Variants in HDAC9 observed in about 807,000 individuals in gnomAD.
The protein encoded by HDAC9 is MEF-2 interacting transcription repressor (MITR) protein.
HDAC9 carries 41 observed loss-of-function variants against 139.4 expected under a neutral mutation model. The observed-to-expected ratio is 0.29, with a 90% CI of 0.23 to 0.38. The LOEUF is 0.38. Ranked by LOEUF, HDAC9 falls within the 10% of genes least tolerant of loss-of-function variation. The pLI, the probability that HDAC9 is intolerant of heterozygous loss-of-function variation, is 1.00. For missense variants in HDAC9, 1,147 were observed against 1,297.0 expected, an observed-to-expected ratio of 0.88 and a Z score of 1.78; for synonymous variants, 517 against 476.2, an observed-to-expected ratio of 1.09 and a Z score of -1.12.
intron 18 of HDAC9, 94 bp from the exon 19 acceptor site, chr7:18,829,367 C>CAT: frequency 8.9e-7 from 1 of 1,126,442 alleles, no homozygotes; most frequent in Non-Finnish European, 1.3e-6. Flanking sequence ...CTTCAGAGAT[C>CAT]ATATAGCATT....
chr7:18,862,370 A>G (rs1286400629), intron 21 of HDAC9, among the ~76,000 whole-genome samples: 1 of 152,196 alleles, frequency 6.6e-6, no homozygotes, highest in Non-Finnish European at 1.5e-5. Flanking sequence ...GAGTTAATCT[A>G]AATGAATCCC....
chr7:18,668,881 T>A, intron 12 of HDAC9: 2 of 983,690 alleles, frequency 2.0e-6, no homozygotes, highest in Non-Finnish European at 2.4e-6. Flanking sequence ...AAACTTGCCG[T>A]ATTTAATCGA....
chr7:18,773,304 G>T (rs964631844), intron 16 of HDAC9, among the ~76,000 whole-genome samples: 2 of 150,694 alleles, frequency 1.3e-5, no homozygotes, highest in African/African-American at 4.9e-5. Context: ...CATCATCAAA[G>T]CTTTATTTGT....
intron 25 of HDAC9, among the ~76,000 whole-genome samples, chr7:18,977,007 A>C (rs1005560295): frequency 9.8e-5 from 15 of 152,348 alleles, no homozygotes; most frequent in Admixed American, 1.3e-4. Context: ...TAATGGATTT[A>C]ACATCTTGTT....
intron 1 of HDAC9, among the ~76,000 whole-genome samples, chr7:18,436,276 C>G (rs1180636139): frequency 6.6e-6 from 1 of 152,116 alleles, no homozygotes; most frequent in Non-Finnish European, 1.5e-5. Context: ...ATTTCTACTT[C>G]AAATAAAATT....
chr7:18,242,332 G>A (rs1794242283), intron 2 of HDAC9, among the ~76,000 whole-genome samples: 1 of 152,140 alleles, frequency 6.6e-6, no homozygotes, highest in South Asian at 2.1e-4. Context: ...ATATTTGCAT[G>A]AGTAGAATTT....
chr7:18,387,491 G>C (rs929160711), intron 1 of HDAC9, among the ~76,000 whole-genome samples: 1 of 152,090 alleles, frequency 6.6e-6, no homozygotes, highest in African/African-American at 2.4e-5. Context: ...AACAGTTGTC[G>C]TGTGGGCTTT....
At chr7:18,292,933 A>T (rs577767146) in intron 1 of HDAC9, among the ~76,000 whole-genome samples, 2 of 152,250 alleles carry the variant, frequency 1.3e-5, no homozygotes, top group East Asian at 3.9e-4. Flanking sequence ...GAATGAAGAG[A>T]GAGGTTAATT....
intron 1 of HDAC9, among the ~76,000 whole-genome samples, chr7:18,436,440 T>C (rs2128768785): frequency 6.6e-6 from 1 of 152,318 alleles, no homozygotes; most frequent in East Asian, 1.9e-4. Context: ...CATTCAGTTT[T>C]CATTTAAAAA....
intron 7 of HDAC9, among the ~76,000 whole-genome samples, chr7:18,631,134 C>G (rs1441241665): frequency 6.6e-6 from 1 of 152,024 alleles, no homozygotes; most frequent in East Asian, 1.9e-4. Context: ...AGCTCAATAC[C>G]TATCTCAGTA....
At chr7:18,207,105 TG>T in intron 2 of HDAC9, among the ~76,000 whole-genome samples, 1 of 151,874 alleles carries the variant, frequency 6.6e-6, no homozygotes, top group East Asian at 1.9e-4. Flanking sequence ...GGTTTGTTTT[TG>T]TTTTTGTTTT....
At chr7:18,657,643 C>G (rs2047523843) in intron 11 of HDAC9, among the ~76,000 whole-genome samples, 2 of 152,058 alleles carry the variant, frequency 1.3e-5, no homozygotes, top group Non-Finnish European at 2.9e-5. Flanking sequence ...TGCCCCAACC[C>G]CTGCCAAGAA....
At chr7:18,789,286 G>GCACACACA (rs34385627) in intron 16 of HDAC9, among the ~76,000 whole-genome samples, 3 of 148,394 alleles carry the variant, frequency 2.0e-5, no homozygotes, top group South Asian at 2.2e-4. Flanking sequence ...ACACATACAC[G>GCACACACA]CACACACACA....
chr7:18,129,329 A>C (rs946445248), intron 1 of HDAC9, among the ~76,000 whole-genome samples: 3 of 152,068 alleles, frequency 2.0e-5, no homozygotes, highest in African/African-American at 7.2e-5. Context: ...CTGTAATTCC[A>C]GAGTTGTTAT....
chr7:18,888,628 T>C (rs1250639917), intron 22 of HDAC9, among the ~76,000 whole-genome samples: 1 of 152,218 alleles, frequency 6.6e-6, no homozygotes, highest in African/African-American at 2.4e-5. Flanking sequence ...TATCAGCTTC[T>C]TCCATGAGAA....
At position 18,998,260 on chromosome 7, in the gene HDAC9, A is replaced by T. The variant is rs1786574646; in HGVS notation, c.*2198A>T. On this transcript the variant is annotated 3_prime_UTR_variant, in exon 26 of 26. Coordinates refer to ENST00000686413, the MANE Select transcript of HDAC9 (RefSeq NM_178425.4). Reference sequence around the variant, plus strand: ...TAGTTGTTGAATAAGAAAATAAAACAGTGTAATGCAAACATGCTAATTTAC... The same window carrying T: ...TAGTTGTTGAATAAGAAAATAAAACTGTGTAATGCAAACATGCTAATTTAC... The T allele has an allele frequency of 1.3e-5, 2 of 152,192 alleles. No homozygotes were observed. The allele number at this position is 152,192 out of a possible 1,614,324, so 9.4% of individuals were successfully genotyped here.
At chr7:18,451,601 T>A (rs971703504) in intron 1 of HDAC9, among the ~76,000 whole-genome samples, 1 of 152,022 alleles carries the variant, frequency 6.6e-6, no homozygotes, top group Non-Finnish European at 1.5e-5. Context: ...CATCCACTGA[T>A]GCATTGTATC....
chr7:18,657,764 A>ATC (rs1791695389), intron 11 of HDAC9, among the ~76,000 whole-genome samples: 1 of 152,260 alleles, frequency 6.6e-6, no homozygotes, highest in South Asian at 2.1e-4. Flanking sequence ...AGCCAGAATG[A>ATC]TCATTTCAAA....
At chr7:18,885,768 G>A (rs1258425155) in intron 22 of HDAC9, among the ~76,000 whole-genome samples, 1 of 152,002 alleles carries the variant, frequency 6.6e-6, no homozygotes, top group African/African-American at 2.4e-5. Context: ...TGACTTTTTT[G>A]TGTAAATAAA....
Sources: allele counts gnomAD v4.1 joint callset (sites outside exome capture counted in the v4.1 genomes callset), GRCh38; gene constraint gnomAD v4.1.1; transcripts MANE v1.5; gene names NCBI Gene and HGNC (gene_info 2026-07-23, HGNC 2026-07-21).